Variants in GRIN2A observed in about 807,000 individuals in gnomAD.
The protein encoded by GRIN2A is glutamate receptor ionotropic, NMDA 2A.
In GRIN2A, 22 loss-of-function variants were observed where a neutral mutation model predicts 113.4. The ratio of observed to expected loss-of-function variants is 0.19; its 90% CI spans 0.14 to 0.28. GRIN2A has a LOEUF of 0.28. Among genes scored for constraint, GRIN2A ranks in the 10% least tolerant of loss-of-function variants. The pLI is 1.00. For synonymous variants in GRIN2A, 827 were observed against 738.4 expected, an observed-to-expected ratio of 1.12 and a Z score of -1.94; for missense variants, 1,502 against 1,887.0, an observed-to-expected ratio of 0.80 and a Z score of 3.78.
intron 9 of GRIN2A, among the ~76,000 whole-genome samples, chr16:9,826,184 C>T (rs2042384154): frequency 6.6e-6 from 1 of 152,136 alleles, no homozygotes; most frequent in South Asian, 2.1e-4. Flanking sequence ...GGGATACTGA[C>T]ATACAGAAGG....
chr16:10,164,243 G>A (rs555740200), intron 2 of GRIN2A, among the ~76,000 whole-genome samples: 5 of 152,340 alleles, frequency 3.3e-5, no homozygotes, highest in South Asian at 2.1e-4. Context: ...AGTCGAGGCC[G>A]TGGCCACTGA....
chr16:10,048,507 G>A (rs2047298524), intron 2 of GRIN2A, among the ~76,000 whole-genome samples: 1 of 152,190 alleles, frequency 6.6e-6, no homozygotes, highest in African/African-American at 2.4e-5. Flanking sequence ...CATATGTGGG[G>A]ACATGTTGCC....
chr16:10,133,149 C>G (rs2049102467), intron 2 of GRIN2A, among the ~76,000 whole-genome samples: 1 of 152,190 alleles, frequency 6.6e-6, no homozygotes, highest in African/African-American at 2.4e-5. Context: ...TCTTCAAAAT[C>G]CCTTTTGCCA....
At chr16:10,098,371 C>A (rs1478157821) in intron 2 of GRIN2A, among the ~76,000 whole-genome samples, 1 of 152,200 alleles carries the variant, frequency 6.6e-6, no homozygotes, top group Admixed American at 6.5e-5. Context: ...TAAACTAGTA[C>A]AACCACTATG....
intron 3 of GRIN2A, among the ~76,000 whole-genome samples, chr16:9,898,591 C>T (rs1023409436): frequency 4.6e-5 from 7 of 152,126 alleles, no homozygotes; most frequent in Non-Finnish European, 7.3e-5. Flanking sequence ...TCTCAATTTT[C>T]GGTTAATTTT....
chr16:10,175,317 C>A (rs190439649), intron 2 of GRIN2A, among the ~76,000 whole-genome samples: 1 of 152,148 alleles, frequency 6.6e-6, no homozygotes, highest in Non-Finnish European at 1.5e-5. Flanking sequence ...AAGAAAGAAT[C>A]CAACAGATAG....
chr16:9,956,221 G>A lies in GRIN2A; in HGVS notation c.415-17670C>T, dbSNP rs374755689. The stretch of plus-strand genomic sequence containing the variant: ...TCCACTGTCCTGTGGGCTTTCTTGT[G>A]TTTTCTGTTTTTGTTTCTGTTATTT... On this transcript the variant is annotated intron_variant, in intron 2 of 12. Coordinates refer to ENST00000330684, the MANE Select transcript of GRIN2A (RefSeq NM_001134407.3). Among the ~76,000 whole-genome samples, 894 of 152,218 alleles carry A rather than the reference G, an allele frequency of 5.9e-3. 5 individuals are homozygous for A. Among genetic ancestry groups the A allele is most frequent in the Non-Finnish European group, 9.8e-3 (666 of 68,000 alleles).
chr16:9,870,075 GCTCT>G (rs1453332767), intron 4 of GRIN2A, among the ~76,000 whole-genome samples: 1 of 152,104 alleles, frequency 6.6e-6, no homozygotes. Flanking sequence ...TTCACTTACG[GCTCT>G]CTATTTTGGA....
At chr16:9,990,591 A>G (rs2046092074) in intron 2 of GRIN2A, among the ~76,000 whole-genome samples, 1 of 148,988 alleles carries the variant, frequency 6.7e-6, no homozygotes, top group Admixed American at 6.7e-5. Flanking sequence ...ACACACACAC[A>G]CACACACGGT....
rs2050216326 is a variant in GRIN2A, at chr16:10,179,568, A to AG, written c.414+429dup. ...AATAGTTTTAGTCACTTACCATAAGAGGAAAAAATGGACATTTTCCCACAA... is the reference window on the plus strand; with the variant it reads ...AATAGTTTTAGTCACTTACCATAAGAGGGAAAAAATGGACATTTTCCCACAA... On this transcript the variant is annotated intron_variant, in intron 2 of 12. Transcript: ENST00000330684. The AG allele has an allele frequency of 2.9e-5, 6 of 210,108 alleles. No individual in the cohort carries two copies. In the South Asian group the frequency reaches 5.3e-4, roughly 19 times the overall value. The allele number at this position is 210,108 out of a possible 1,614,324, so 13.0% of individuals were successfully genotyped here.
chr16:9,783,280 A>T (rs1223909776), intron 11 of GRIN2A, among the ~76,000 whole-genome samples: 1 of 152,250 alleles, frequency 6.6e-6, no homozygotes, highest in Non-Finnish European at 1.5e-5. Context: ...GTCTACACGT[A>T]TAAGGAATCA....
In GRIN2A at chr16:10,006,740, A is replaced by AT. The variant is rs983009494; in HGVS notation, c.415-68190dup. 9.1e-4 allele frequency among the ~76,000 whole-genome samples: 139 copies of AT among 152,030 alleles called. 2 individuals carry two copies. Among genetic ancestry groups the AT allele is most frequent in the African/African-American group, 3.3e-3 (137 of 41,450 alleles). On this transcript the variant is annotated intron_variant, in intron 2 of 12. Transcript: ENST00000330684. ...ATCTTACGCATTCCATCTTAACTATATTTTTTACCCATTAACCCTCCCTAT... is the reference window on the plus strand; with the variant it reads ...ATCTTACGCATTCCATCTTAACTATATTTTTTTACCCATTAACCCTCCCTAT...
rs1417028655 is a variant in GRIN2A at position 9,853,882 on chromosome 16, C to T, written c.1123-3921G>A. ...CTCCTTCTATATTACAGCAAAAAAA[C>T]CCATTATATAATTTATTCATAAATC... On this transcript the variant is annotated intron_variant, in intron 4 of 12. Coordinates refer to ENST00000330684, the MANE Select transcript of GRIN2A (RefSeq NM_001134407.3). 2.0e-5 allele frequency among the ~76,000 whole-genome samples: 3 copies of T among 152,078 alleles called. No homozygotes were observed. The East Asian group carries it at 5.8e-4, about 29-fold the overall frequency.
rs1422545503 is a variant in GRIN2A at position 9,755,040 on chromosome 16, G to A, written c.*8109C>T. 1 of 199,194 alleles carries A rather than the reference G, an allele frequency of 5.0e-6. No individual in the cohort carries two copies. The highest frequency in any genetic ancestry group is 1.0e-5 in the Non-Finnish European group (1 of 96,418). The allele number at this position is 199,194 out of a possible 1,614,324, so 12.3% of individuals were successfully genotyped here. A position where few individuals can be genotyped will look rare whatever the true frequency, so the allele number is the denominator to read the frequency against. ...CATCTTAAATCTTTCCTAAAGGTGTGAAAGAGAATTAACTGGAAGAGGTCA... is the reference window on the plus strand; with the variant it reads ...CATCTTAAATCTTTCCTAAAGGTGTAAAAGAGAATTAACTGGAAGAGGTCA... On this transcript the variant is annotated 3_prime_UTR_variant, in exon 13 of 13. Transcript: ENST00000330684.
rs187453937 is a variant in GRIN2A at position 9,983,472 on chromosome 16, C to T, written c.415-44921G>A. On this transcript the variant is annotated intron_variant, in intron 2 of 12. Transcript: ENST00000330684. ...TTTTTTTTTTTGAGATGGAGTCTCG[C>T]TTTGTCACCCAGGCTGGAGTGCAGT... is the stretch of plus-strand genomic sequence containing the variant. Among the ~76,000 whole-genome samples, 3 of 148,960 alleles carry T rather than the reference C, an allele frequency of 2.0e-5. No homozygotes were observed. In the East Asian group the frequency reaches 5.9e-4, roughly 29 times the overall value.
intron 4 of GRIN2A, among the ~76,000 whole-genome samples, chr16:9,863,647 A>G (rs1258835278): frequency 2.0e-5 from 3 of 152,186 alleles, no homozygotes; most frequent in South Asian, 4.1e-4. Context: ...TGGGGGTTTC[A>G]ACCAAGAGGA....
At chr16:10,106,026 G>C (rs1293837189) in intron 2 of GRIN2A, among the ~76,000 whole-genome samples, 2 of 152,186 alleles carry the variant, frequency 1.3e-5, no homozygotes, top group African/African-American at 2.4e-5. Context: ...AGTATAGCCT[G>C]CCAGCTATGT....
At chr16:9,878,179 C>A in intron 4 of GRIN2A, among the ~76,000 whole-genome samples, 1 of 152,122 alleles carries the variant, frequency 6.6e-6, no homozygotes, top group East Asian at 1.9e-4. Flanking sequence ...AGATCCTTAA[C>A]AATTTGGGTT....
chr16:10,136,570 TA>T (rs112582143), intron 2 of GRIN2A, among the ~76,000 whole-genome samples: 29,446 of 152,090 alleles, frequency 0.19, 3,467 homozygotes, highest in East Asian at 0.45. Flanking sequence ...ACTATCTCAT[TA>T]AAAAAAGAAA....
Sources: gnomAD v4.1 joint callset for allele counts (sites outside exome capture counted in the v4.1 genomes callset) on GRCh38, gnomAD v4.1.1 for gene constraint, MANE v1.5 for transcripts, NCBI Gene and HGNC (gene_info 2026-07-23, HGNC 2026-07-21) for gene names.